Variants in NYNRIN observed in about 807,000 individuals in gnomAD.
NYNRIN encodes NYN domain and retroviral integrase containing, also known as protein NYNRIN.
A neutral mutation model predicts 146.6 loss-of-function variants in NYNRIN; 86 were observed. The ratio of observed to expected loss-of-function variants is 0.59; its 90% confidence interval spans 0.49 to 0.70. The LOEUF is 0.70. Ranked by LOEUF, NYNRIN falls within the 30% of genes least tolerant of loss-of-function variation. The pLI is 0.00. For synonymous variants in NYNRIN, 1,027 were observed against 1,001.3 expected (o/e 1.03, Z -0.48); for missense variants, 2,191 against 2,377.7 (o/e 0.92, Z 1.63).
Position 24,399,421 on chromosome 14 carries a change from C to G in NYNRIN, c.175C>G (p.Arg59Gly). 1.2e-6 allele frequency: 2 copies of G among 1,612,772 alleles called. No homozygotes were observed. The highest frequency in any genetic ancestry group is 1.7e-5 in the Admixed American group (1 of 59,860). Residue 59 changes from arginine to glycine, a missense_variant, in exon 2 of 9, where the codon CGA (arginine) becomes GGA (glycine). Coordinates refer to ENST00000382554, the MANE Select transcript of NYNRIN (RefSeq NM_025081.3). ...PYFWLQLEGP[R>G]ENMGKAKEYL... ...CTTCTGGCTACAGCTCGAGGGGCCC[C>G]GAGAGAACATGGGCAAAGCCAAGGT...
rs187221143 is a variant in NYNRIN, at chr14:24,418,081, G to A, written c.*635G>A. 1 of 362,874 alleles carries A rather than the reference G, an allele frequency of 2.8e-6. No homozygotes were observed. Among genetic ancestry groups the A allele is most frequent in the African/African-American group, 2.2e-5 (1 of 46,478 alleles). 22.5% of individuals were successfully genotyped at this position (362,874 alleles called of 1,614,324 possible). ...CCCAGGCCTCAAGGGCAGTGTCTTG[G>A]AGTGGGAGGATGGCCAGCCACAAGC... On this transcript the variant is annotated 3_prime_UTR_variant, in exon 9 of 9. Transcript: ENST00000382554.
In NYNRIN at chr14:24,409,317, T is replaced by C; in HGVS notation, c.1523T>C (p.Leu508Pro). The C allele has an allele frequency of 6.2e-7, 1 of 1,614,028 alleles. No homozygotes were observed. Among genetic ancestry groups the C allele is most frequent in the Non-Finnish European group, 8.5e-7 (1 of 1,179,890 alleles). Residue 508 changes from leucine (L) to proline (P), a missense_variant, in exon 4 of 9, where the codon CTG becomes CCG. By Grantham distance (98) the Leu-to-Pro change is moderately conservative (BLOSUM62 -3). Coordinates refer to ENST00000382554, the MANE Select transcript of NYNRIN (RefSeq NM_025081.3). ...QGSMQLDFKG[L>P]EEGPAPVLPT... ...AGTATGCAGTTAGATTTTAAGGGAC[T>C]GGAAGAGGGACCCGCTCCAGTGCTG...
rs1172444035 is a variant in NYNRIN, at chr14:24,409,083, C to G, written c.1289C>G (p.Pro430Arg). 6.2e-7 allele frequency: 1 copy of G among 1,613,652 alleles called. No homozygotes were observed. Among genetic ancestry groups the G allele is most frequent in the Non-Finnish European group, 8.5e-7 (1 of 1,179,762 alleles). ...ELAPLPSAESPAGRPDGGLGG... is the reference protein window; with the variant it reads ...ELAPLPSAESRAGRPDGGLGG... ...GCTCCTCTGCCTAGTGCAGAAAGCC[C>G]AGCTGGTAGACCAGATGGGGGGCTG... is the stretch of plus-strand genomic sequence containing the variant. The change falls in exon 4 of 9, where the codon CCA (proline) becomes CGA (arginine). Residue 430 changes from proline to arginine, a missense_variant. Transcript: ENST00000382554.
Position 24,405,893 on chromosome 14 carries a change from G to A in NYNRIN, c.199-1976G>A, listed in dbSNP as rs192732178. Among the ~76,000 whole-genome samples the A allele has an allele frequency of 1.0e-3, 152 of 152,192 alleles. 1 individual carries two copies. Among genetic ancestry groups the A allele is most frequent in the Non-Finnish European group, 1.9e-3 (131 of 68,008 alleles). ...TTTAAAATATCGGGCCGGGCACGGTGGCTCATACCTGTAATCCCAGCACTT... is the reference window on the plus strand; with the variant it reads ...TTTAAAATATCGGGCCGGGCACGGTAGCTCATACCTGTAATCCCAGCACTT... On this transcript the variant is annotated intron_variant, in intron 2 of 8. Coordinates refer to ENST00000382554, the MANE Select transcript of NYNRIN (RefSeq NM_025081.3).
chr14:24,407,885 T>C lies in NYNRIN; in HGVS notation c.215T>C (p.Leu72Pro). 1 of 1,609,092 alleles carries C rather than the reference T, an allele frequency of 6.2e-7. No individual in the cohort carries two copies. Among genetic ancestry groups the C allele is most frequent in the Non-Finnish European group, 8.5e-7 (1 of 1,177,294 alleles). Residue 72 changes from leucine to proline, a missense_variant, in exon 3 of 9, where the codon CTG (leucine) becomes CCG (proline). Around this residue, in one of 3 missense-constraint regions of NYNRIN, gnomAD observed 895 missense variants for 941.2 expected, o/e 0.95. Coordinates refer to ENST00000382554, the MANE Select transcript of NYNRIN (RefSeq NM_025081.3). Reference sequence around the variant, plus strand: ...TGTGCCCAGGAATACCTGAAGGGCCTGTGCAGCCCAGAGCTGTGGAAAGAG... The same window carrying C: ...TGTGCCCAGGAATACCTGAAGGGCCCGTGCAGCCCAGAGCTGTGGAAAGAG... Reference protein sequence around the residue: ...MGKAKEYLKGLCSPELWKEVR... With the variant: ...MGKAKEYLKGPCSPELWKEVR...
chr14:24,405,468 G>C (rs1201680625), intron 2 of NYNRIN, among the ~76,000 whole-genome samples: 2 of 152,134 alleles, frequency 1.3e-5, no homozygotes, highest in East Asian at 3.9e-4. Flanking sequence ...TTTCTACCTA[G>C]TTGTTAGTTG....
intron 8 of NYNRIN, 24 bp downstream of exon 8, chr14:24,413,441 C>T (rs780692544): frequency 6.6e-7 from 1 of 1,513,586 alleles, no homozygotes; most frequent in South Asian, 1.2e-5. Flanking sequence ...CCTCCCCAGC[C>T]TCCCAGGCCC....
At position 24,410,930 on chromosome 14, in the gene NYNRIN, G is replaced by A. The variant is rs77744412; in HGVS notation, c.2415-146G>A. ...TCTGGCAGTGCCCTGCACCAAGTAG[G>A]TGCTCACAGAATGTCTGAGTATGGA... On this transcript the variant is annotated intron_variant, in intron 4 of 8. Transcript: ENST00000382554. 4.5e-3 allele frequency: 4,248 copies of A among 946,564 alleles called. 136 individuals carry two copies. The African/African-American group carries it at 0.064, about 14-fold the overall frequency. The allele number at this position is 946,564 out of a possible 1,614,324, so 58.6% of individuals were successfully genotyped here. A position where few individuals can be genotyped will look rare whatever the true frequency, so the allele number is the denominator to read the frequency against.
chr14:24,403,223 T>C (rs2042856019), intron 2 of NYNRIN, among the ~76,000 whole-genome samples: 1 of 152,268 alleles, frequency 6.6e-6, no homozygotes, highest in Non-Finnish European at 1.5e-5. Flanking sequence ...ACTGAGGTCA[T>C]TGAGGTTAAG....
chr14:24,413,720 G>A (rs891198881), intron 8 of NYNRIN, among the ~76,000 whole-genome samples: 1 of 152,176 alleles, frequency 6.6e-6, no homozygotes, highest in African/African-American at 2.4e-5. Context: ...ATGTAGCTCT[G>A]TTTAATGGTC....
At position 24,408,853 on chromosome 14, in the gene NYNRIN, G is replaced by C; in HGVS notation, c.1059G>C (p.Gly353=). 1 of 1,614,032 alleles carries C rather than the reference G, an allele frequency of 6.2e-7. No individual in the cohort carries two copies. The highest frequency in any genetic ancestry group is 8.5e-7 in the Non-Finnish European group (1 of 1,179,892). ...VCPPWKAWTP[G]PAFGPLWPGA... Reference sequence around the variant, plus strand: ...CACCCTGGAAGGCCTGGACCCCGGGGCCAGCCTTTGGGCCATTGTGGCCGG... The same window carrying C: ...CACCCTGGAAGGCCTGGACCCCGGGCCCAGCCTTTGGGCCATTGTGGCCGG... Residue 353 remains glycine (G), a synonymous_variant, in exon 4 of 9, where the codon GGG becomes GGC. Coordinates refer to ENST00000382554, the MANE Select transcript of NYNRIN (RefSeq NM_025081.3).
At position 24,404,254 on chromosome 14, in the gene NYNRIN, A is replaced by G. The variant is rs142029842; in HGVS notation, c.199-3615A>G. Reference sequence around the variant, plus strand: ...TAACTTTTTGTTCTGCTTTCTGAAGATTTCCTTAATTTTATCTTTGAAGCC... The same window carrying G: ...TAACTTTTTGTTCTGCTTTCTGAAGGTTTCCTTAATTTTATCTTTGAAGCC... On this transcript the variant is annotated intron_variant, in intron 2 of 8. Transcript: ENST00000382554. 5.6e-3 allele frequency among the ~76,000 whole-genome samples: 847 copies of G among 152,090 alleles called. 10 individuals are homozygous for G. The highest frequency in any genetic ancestry group is 0.019 in the African/African-American group (771 of 41,498).
intron 2 of NYNRIN, among the ~76,000 whole-genome samples, chr14:24,400,480 A>T (rs1416358761): frequency 2.0e-5 from 3 of 152,184 alleles, no homozygotes; most frequent in Non-Finnish European, 4.4e-5. Context: ...GGTCAAGGCC[A>T]TGGGTGGGGA....
Position 24,417,643 on chromosome 14 carries a change from C to A in NYNRIN, c.*197C>A. 1.3e-6 allele frequency: 1 copy of A among 778,930 alleles called. No homozygotes were observed. The highest frequency in any genetic ancestry group is 1.8e-6 in the Non-Finnish European group (1 of 542,522). The allele number at this position is 778,930 out of a possible 1,614,324, so 48.3% of individuals were successfully genotyped here. On this transcript the variant is annotated 3_prime_UTR_variant, in exon 9 of 9. Transcript: ENST00000382554. ...ATGGAAACATCCCCAGTTTGGGGTA[C>A]TTGGAGAATTTGCCAAAGGCTGTCA...
At position 24,411,373 on chromosome 14, in the gene NYNRIN, G is replaced by A. The variant is rs2139349827; in HGVS notation, c.2565G>A (p.Lys855=). The change falls in exon 6 of 9, where the codon AAG becomes AAA. Residue 855 remains lysine (K), a synonymous_variant. Coordinates refer to ENST00000382554, the MANE Select transcript of NYNRIN (RefSeq NM_025081.3). This position sits in a 1 kb window ranked among gnomAD's most constrained non-coding sequence, Gnocchi z 4.3. ...CCCCAGAGAGCCACTTTCTGACGAA[G>A]CTACACTCGCTCAAGATGCTTTCAA... ...RRVRESHFLT[K]LHSLKMLSIT... 2 of 1,613,984 alleles carry A rather than the reference G, an allele frequency of 1.2e-6. No homozygotes were observed. Among genetic ancestry groups the A allele is most frequent in the Middle Eastern group, 1.6e-4 (1 of 6,062 alleles).
In NYNRIN at chr14:24,414,868, G is replaced by A. The variant is rs763907941; in HGVS notation, c.3119G>A (p.Arg1040Gln). The A allele has an allele frequency of 1.8e-4, 285 of 1,610,286 alleles. No homozygotes were observed. The highest frequency in any genetic ancestry group is 2.3e-4 in the Non-Finnish European group (271 of 1,177,278). The change falls in exon 9 of 9, where the codon CGG becomes CAG. Residue 1040 changes from arginine to glutamine, a missense_variant. By Grantham distance (43) the Arg-to-Gln change is conservative (BLOSUM62 1). Around this residue, in one of 3 missense-constraint regions of NYNRIN, gnomAD observed 1,291 missense variants for 1,417.0 expected, o/e 0.91. Coordinates refer to ENST00000382554, the MANE Select transcript of NYNRIN (RefSeq NM_025081.3). ...CCGTCCCTTTCGGAGGAGATCCTGC[G>A]GTGCCTCAGCCTCCATGATCCCCCT... ...ECPSLSEEIL[R>Q]CLSLHDPPDG...
At position 24,415,066 on chromosome 14, in the gene NYNRIN, A is replaced by T. The variant is rs374795039; in HGVS notation, c.3317A>T (p.Asp1106Val). Residue 1106 changes from aspartate to valine, a missense_variant, in exon 9 of 9, where the codon GAT becomes GTT. Physicochemically the swap from Asp to Val is radical, Grantham distance 152. Around this residue, in one of 3 missense-constraint regions of NYNRIN, gnomAD observed 1,291 missense variants for 1,417.0 expected, o/e 0.91. Transcript: ENST00000382554. ...FFMGFMDSHR[D>V]AIPDYEALVG... ...ATGGGCTTCATGGACTCCCACAGGG[A>T]TGCCATCCCTGACTATGAAGCCCTA... 12 of 1,612,618 alleles carry T rather than the reference A, an allele frequency of 7.4e-6. No individual in the cohort carries two copies. The African/African-American group carries it at 1.6e-4, about 22-fold the overall frequency.
chr14:24,399,166 G>A (rs1483793747), intron 1 of NYNRIN, 64 bp from the exon 2 acceptor site: 2 of 1,374,368 alleles, frequency 1.5e-6, no homozygotes, highest in Non-Finnish European at 2.0e-6. Flanking sequence ...AGGCGCCTGG[G>A]GCTGGGGGCT....
chr14:24,414,868 G>T lies in NYNRIN; in HGVS notation c.3119G>T (p.Arg1040Leu). The T allele has an allele frequency of 6.2e-7, 1 of 1,610,402 alleles. No homozygotes were observed. The highest frequency in any genetic ancestry group is 8.5e-7 in the Non-Finnish European group (1 of 1,177,270). The change falls in exon 9 of 9, where the codon CGG becomes CTG. Residue 1040 changes from arginine (R) to leucine (L), a missense_variant. By Grantham distance (102) the Arg-to-Leu change is moderately radical (BLOSUM62 -2). Around this residue, in one of 3 missense-constraint regions of NYNRIN, gnomAD observed 1,291 missense variants for 1,417.0 expected, o/e 0.91. Coordinates refer to ENST00000382554, the MANE Select transcript of NYNRIN (RefSeq NM_025081.3). Reference protein sequence around the residue: ...ECPSLSEEILRCLSLHDPPDG... With the variant: ...ECPSLSEEILLCLSLHDPPDG... ...CCGTCCCTTTCGGAGGAGATCCTGC[G>T]GTGCCTCAGCCTCCATGATCCCCCT...
Sources: gnomAD v4.1 joint callset for allele counts (sites outside exome capture counted in the v4.1 genomes callset) on GRCh38, gnomAD v4.1.1 for gene constraint, gnomAD v4.1.1 regional missense constraint, Gnocchi (gnomAD v3.1) non-coding constraint, MANE v1.5 for transcripts, NCBI Gene and HGNC (gene_info 2026-07-23, HGNC 2026-07-21) for gene names.